PAK5: variants seen among roughly 807,000 people sequenced by gnomAD.
The protein encoded by PAK5 is p21 (RAC1) activated kinase 5.
PAK5 carries 16 observed loss-of-function variants against 65.9 expected under a neutral mutation model. That is an observed-to-expected ratio of 0.24 (90% CI 0.16 to 0.37). PAK5 has a LOEUF of 0.37. Ranked by LOEUF, PAK5 falls within the 10% of genes least tolerant of loss-of-function variation. The pLI is 1.00. For missense variants in PAK5, 785 were observed against 903.9 expected (o/e 0.87, Z 1.69); for synonymous variants, 371 against 354.9 (o/e 1.05, Z -0.51).
intron 1 of PAK5, among the ~76,000 whole-genome samples, chr20:9,820,790 G>A (rs923541383): frequency 6.6e-6 from 1 of 152,148 alleles, no homozygotes; most frequent in Admixed American, 6.5e-5. Flanking sequence ...GTGTAACACG[G>A]AAGCCCTGAA....
intron 2 of PAK5, among the ~76,000 whole-genome samples, chr20:9,675,476 T>A (rs58982384): frequency 2.0e-5 from 3 of 152,042 alleles, no homozygotes; most frequent in African/African-American, 7.3e-5. Flanking sequence ...GGATAAAACT[T>A]AACAGGTTAA....
intron 3 of PAK5, among the ~76,000 whole-genome samples, chr20:9,593,750 T>C (rs2046215272): frequency 2.0e-5 from 3 of 152,348 alleles, no homozygotes; most frequent in African/African-American, 7.2e-5. Context: ...AGATAAGCTA[T>C]ATACAGAATC....
chr20:9,593,866 A>T (rs1246318636), intron 3 of PAK5, among the ~76,000 whole-genome samples: 18 of 151,294 alleles, frequency 1.2e-4, no homozygotes, highest in Admixed American at 1.2e-3. Context: ...ATCTAGGGGT[A>T]AGAGATGTGT....
At chr20:9,649,485 T>C (rs1028749377) in intron 2 of PAK5, among the ~76,000 whole-genome samples, 7 of 152,228 alleles carry the variant, frequency 4.6e-5, no homozygotes, top group Non-Finnish European at 1.0e-4. Context: ...CAGACTCTAA[T>C]ACCCCATTTC....
intron 2 of PAK5, among the ~76,000 whole-genome samples, chr20:9,653,269 G>T (rs1256561925): frequency 6.6e-6 from 1 of 152,182 alleles, no homozygotes; most frequent in African/African-American, 2.4e-5. Flanking sequence ...TGCATGGAAA[G>T]TGTGTTAAAT....
intron 1 of PAK5, among the ~76,000 whole-genome samples, chr20:9,726,967 G>C (rs942350129): frequency 6.6e-6 from 1 of 152,108 alleles, no homozygotes; most frequent in South Asian, 2.1e-4. Context: ...TGGTCCAAAG[G>C]CTTTGCCAAT....
chr20:9,741,314 T>A (rs1299703947), intron 1 of PAK5, among the ~76,000 whole-genome samples: 1 of 152,068 alleles, frequency 6.6e-6, no homozygotes, highest in Non-Finnish European at 1.5e-5. Context: ...CTTAATGAAT[T>A]GTGCACACTC....
chr20:9,582,024 A>C (rs2123024981), intron 3 of PAK5, among the ~76,000 whole-genome samples: 1 of 152,262 alleles, frequency 6.6e-6, no homozygotes, highest in South Asian at 2.1e-4. Flanking sequence ...TTTTCTTTCC[A>C]AGAGTCCTGG....
chr20:9,627,625 C>T (rs2046863449), intron 3 of PAK5, among the ~76,000 whole-genome samples: 1 of 151,926 alleles, frequency 6.6e-6, no homozygotes, highest in Admixed American at 6.6e-5. Context: ...TTTTCTTTTC[C>T]TTTTCTTTTC....
At chr20:9,546,817 T>C (rs1234227663) in intron 7 of PAK5, among the ~76,000 whole-genome samples, 1 of 152,180 alleles carries the variant, frequency 6.6e-6, no homozygotes, top group Non-Finnish European at 1.5e-5. Flanking sequence ...AGCAGTCAGG[T>C]AGATTTCAGT....
intron 3 of PAK5, among the ~76,000 whole-genome samples, chr20:9,636,910 C>A (rs1330935183): frequency 6.6e-6 from 1 of 152,188 alleles, no homozygotes; most frequent in Non-Finnish European, 1.5e-5. Context: ...CTTTTTGTCT[C>A]AGGAACCTCT....
intron 1 of PAK5, among the ~76,000 whole-genome samples, chr20:9,764,453 T>G (rs1359411323): frequency 6.6e-6 from 1 of 151,058 alleles, no homozygotes; most frequent in Non-Finnish European, 1.5e-5. Context: ...AATGCTACCT[T>G]TTCCCCTTTG....
chr20:9,644,364 G>A (rs1247561309), intron 2 of PAK5, 25 bp from the exon 3 acceptor site: 1 of 1,494,374 alleles, frequency 6.7e-7, no homozygotes. Flanking sequence ...TGGAAAAGAG[G>A]CAGCCATTTA....
intron 4 of PAK5, among the ~76,000 whole-genome samples, chr20:9,567,161 T>C (rs1213147265): frequency 6.6e-6 from 1 of 152,170 alleles, no homozygotes; most frequent in African/African-American, 2.4e-5. Context: ...TCTTGTCATG[T>C]GGTATGCTCC....
chr20:9,539,091 T>C lies in PAK5; in HGVS notation c.*371A>G, dbSNP rs1457854289. The C allele has an allele frequency of 4.9e-6, 1 of 203,914 alleles. No individual in the cohort carries two copies. Among genetic ancestry groups the C allele is most frequent in the African/African-American group, 2.3e-5 (1 of 43,936 alleles). 12.6% of individuals were successfully genotyped at this position (203,914 alleles called of 1,614,324 possible). On this transcript the variant is annotated 3_prime_UTR_variant, in exon 10 of 10. Transcript: ENST00000353224. Reference sequence around the variant, plus strand: ...TGCTTTTTGTTTTCCTTTCTTTCTTTTTTTTTTTTTTTTGCCAGAAAAGTA... The same window carrying C: ...TGCTTTTTGTTTTCCTTTCTTTCTTCTTTTTTTTTTTTTGCCAGAAAAGTA...
In PAK5 at chr20:9,838,472, C is replaced by T. The variant is rs1979335950; in HGVS notation, c.-162+290G>A. Among the ~76,000 whole-genome samples the T allele has an allele frequency of 6.6e-6, 1 of 152,190 alleles. No individual in the cohort carries two copies. The highest frequency in any genetic ancestry group is 1.5e-5 in the Non-Finnish European group (1 of 68,028). ...CTGGAATCCGGGGTTCTCCTCCACGCCCTCCCGCCCAGCAAAATGGAACCA... is the reference window on the plus strand; with the variant it reads ...CTGGAATCCGGGGTTCTCCTCCACGTCCTCCCGCCCAGCAAAATGGAACCA... On this transcript the variant is annotated intron_variant, in intron 1 of 9. Transcript: ENST00000353224. The surrounding 1 kb of genome is among the most constrained non-coding windows in gnomAD (Gnocchi z 4.5).
At chr20:9,738,177 A>AAAG (rs1569066367) in intron 1 of PAK5, among the ~76,000 whole-genome samples, 1 of 152,002 alleles carries the variant, frequency 6.6e-6, no homozygotes, top group Admixed American at 6.6e-5. Flanking sequence ...AAACAAAAAA[A>AAAG]CAATGTGGAG....
chr20:9,575,563 C>T (rs1308366522), intron 4 of PAK5: 1 of 152,224 alleles, frequency 6.6e-6, no homozygotes, highest in Non-Finnish European at 1.5e-5. Flanking sequence ...GGGATTTCTG[C>T]ACCTAACACT....
chr20:9,797,034 C>T (rs967883339), intron 1 of PAK5, among the ~76,000 whole-genome samples: 5 of 151,852 alleles, frequency 3.3e-5, no homozygotes, highest in Admixed American at 1.3e-4. Context: ...TATTTCTCCA[C>T]ATCTTCTCCA....
Sources: allele counts gnomAD v4.1 joint callset (sites outside exome capture counted in the v4.1 genomes callset), GRCh38; gene constraint gnomAD v4.1.1; non-coding constraint Gnocchi (gnomAD v3.1); transcripts MANE v1.5; gene names NCBI Gene and HGNC (gene_info 2026-07-23, HGNC 2026-07-21).